The following MICAL2 variants were observed in gnomAD, a reference collection of about 807,000 sequenced individuals.
The protein encoded by MICAL2 is microtubule associated monooxygenase, calponin and LIM domain containing 2.
MICAL2 carries 77 observed loss-of-function variants against 127.3 expected under a neutral mutation model. The ratio of observed to expected loss-of-function variants is 0.60; its 90% confidence interval spans 0.50 to 0.73. The LOEUF (loss-of-function observed/expected upper bound fraction) is 0.73, where lower values mean the gene tolerates loss of function less well. Among genes scored for constraint, MICAL2 ranks in the 30% least tolerant of loss-of-function variants. The probability of loss-of-function intolerance (pLI) is 0.00; values close to 1 mark genes in which losing one functional copy is unlikely to be tolerated. For missense variants in MICAL2, 1,351 were observed against 1,434.4 expected (o/e 0.94, Z 0.94); for synonymous variants, 570 against 551.1 (o/e 1.03, Z -0.48).
At chr11:12,283,178 C>T (rs1405839992) in intron 2 of MICAL2, among the ~76,000 whole-genome samples, 1 of 151,954 alleles carries the variant, frequency 6.6e-6, no homozygotes, top group Non-Finnish European at 1.5e-5. Context: ...TTATGGTAAC[C>T]CCATCACTTT....
intron 30 of MICAL2, chr11:12,323,899 T>G (rs1590737755): frequency 8.2e-6 from 12 of 1,462,396 alleles, no homozygotes; most frequent in East Asian, 7.0e-5. Flanking sequence ...TTGGAGAGGG[T>G]AGAAGCCTAT....
At chr11:12,334,929 T>G (rs975681661) in intron 32 of MICAL2, among the ~76,000 whole-genome samples, 2 of 152,178 alleles carry the variant, frequency 1.3e-5, no homozygotes, top group Non-Finnish European at 2.9e-5. Flanking sequence ...ACATGTGTCT[T>G]TATAGCAGCA....
intron 31 of MICAL2, among the ~76,000 whole-genome samples, chr11:12,324,955 A>G (rs1864338682): frequency 6.6e-6 from 1 of 152,192 alleles, no homozygotes; most frequent in Non-Finnish European, 1.5e-5. Flanking sequence ...GTCTTATGAT[A>G]TTGATTGGCA....
intron 1 of MICAL2, among the ~76,000 whole-genome samples, chr11:12,118,894 C>T (rs757211651): frequency 2.6e-5 from 4 of 152,156 alleles, no homozygotes; most frequent in African/African-American, 4.8e-5. Context: ...TCACATTTAA[C>T]GAGTGACCCA....
intron 3 of MICAL2, among the ~76,000 whole-genome samples, chr11:12,198,402 T>G (rs753305597): frequency 2.0e-5 from 3 of 152,174 alleles, no homozygotes; most frequent in Non-Finnish European, 4.4e-5. Context: ...GGGGTGAGGC[T>G]GTGCAGCCAG....
chr11:12,262,283 G>A, intron 26 of MICAL2, 197 bp from the exon 27 acceptor site: 2 of 1,430,002 alleles, frequency 1.4e-6, no homozygotes, highest in Non-Finnish European at 1.8e-6. Flanking sequence ...TCGTAAACAA[G>A]TAGCTGGTCA....
At chr11:12,321,943 C>T (rs115737088) in intron 30 of MICAL2, among the ~76,000 whole-genome samples, 30 of 151,982 alleles carry the variant, frequency 2.0e-4, no homozygotes, top group African/African-American at 5.6e-4. Context: ...TGTGTCTAAA[C>T]GGTATTTGGC....
downstream of MICAL2, among the ~76,000 whole-genome samples, chr11:12,267,424 T>C (rs1863621393): frequency 6.6e-6 from 1 of 152,122 alleles, no homozygotes. Context: ...CTCTTCTTTC[T>C]CTTGACCTCA....
intron 3 of MICAL2, among the ~76,000 whole-genome samples, chr11:12,201,576 C>T (rs1853996161): frequency 1.3e-5 from 2 of 152,020 alleles, no homozygotes; most frequent in African/African-American, 4.8e-5. Flanking sequence ...TTCTTTCAGC[C>T]AGAGTATTGC....
chr11:12,124,586 G>A (rs933842108), intron 1 of MICAL2, among the ~76,000 whole-genome samples: 1 of 152,184 alleles, frequency 6.6e-6, no homozygotes, highest in African/African-American at 2.4e-5. Context: ...AACGTTTTCC[G>A]TGCTCTGGGA....
chr11:12,116,219 C>CAG (rs1348461310), intron 1 of MICAL2, among the ~76,000 whole-genome samples: 1 of 151,978 alleles, frequency 6.6e-6, no homozygotes, highest in Non-Finnish European at 1.5e-5. Context: ...ACCTCGTGAT[C>CAG]CACCTGCCTC....
intron 32 of MICAL2, among the ~76,000 whole-genome samples, chr11:12,330,974 T>G (rs11022304): frequency 0.98 from 147,836 of 150,934 alleles, 72,459 homozygotes; most frequent in Middle Eastern, 1. Flanking sequence ...TTGACAGAGG[T>G]AAGAGAGTCC....
At chr11:12,271,981 G>C (rs1335763684), upstream of MICAL2, among the ~76,000 whole-genome samples, 5 of 152,192 alleles carry the variant, frequency 3.3e-5, no homozygotes, top group Non-Finnish European at 4.4e-5. Flanking sequence ...TGGGTTCACT[G>C]TGAGAGACGC....
At chr11:12,360,537 T>C (rs75665048), downstream of MICAL2, among the ~76,000 whole-genome samples, 3,271 of 152,340 alleles carry the variant, frequency 0.021, 108 homozygotes, top group African/African-American at 0.075. Flanking sequence ...CAGTCTTTTC[T>C]GTCAGTTGCA....
downstream of MICAL2, among the ~76,000 whole-genome samples, chr11:12,288,814 G>C (rs1237852944): frequency 6.6e-6 from 1 of 152,214 alleles, no homozygotes; most frequent in Non-Finnish European, 1.5e-5. Flanking sequence ...TTTGAGCCTT[G>C]CAAAACCTCC....
chr11:12,226,651 G>GT (rs202072260), intron 14 of MICAL2, among the ~76,000 whole-genome samples: 486 of 126,362 alleles, frequency 3.8e-3, no homozygotes, highest in South Asian at 0.012. Context: ...TTTGTTTTTG[G>GT]TTTTTTTTTT....
At chr11:12,229,391 C>T (rs1023682280) in intron 15 of MICAL2, among the ~76,000 whole-genome samples, 11 of 152,216 alleles carry the variant, frequency 7.2e-5, no homozygotes, top group Non-Finnish European at 1.3e-4. Flanking sequence ...CTGCATTGTC[C>T]GCCATGTTCC....
intron 22 of MICAL2, among the ~76,000 whole-genome samples, chr11:12,251,238 AGCTAAGCCACAGTGAGTTTGAGGAGCAG>A (rs372226828): frequency 0.82 from 124,227 of 151,480 alleles, 51,115 homozygotes; most frequent in East Asian, 0.93. Context: ...AGGAGCAGTG[AGCTAAGCCACAGTGAGTTTGAGGAGCAG>A]TGAGCTAGCA....
chr11:12,221,803 C>T (rs770674205), intron 10 of MICAL2, 44 bp downstream of exon 10: 5 of 1,537,208 alleles, frequency 3.3e-6, no homozygotes, highest in African/African-American at 1.4e-5. Context: ...GCAGGGCACT[C>T]AGGCAGGAAA....
Sources: allele counts gnomAD v4.1 joint callset (sites outside exome capture counted in the v4.1 genomes callset), GRCh38; gene constraint gnomAD v4.1.1; transcripts MANE v1.5; gene names NCBI Gene and HGNC (gene_info 2026-07-23, HGNC 2026-07-21).